Variants in ZBTB5 observed in about 807,000 individuals in gnomAD.
The protein encoded by ZBTB5 is zinc finger and BTB domain-containing protein 5.
ZBTB5 carries 15 observed loss-of-function variants against 37.9 expected under a neutral mutation model. The ratio of observed to expected loss-of-function variants is 0.40; its 90% CI spans 0.26 to 0.61. ZBTB5 has a LOEUF of 0.61. Ranked by LOEUF, ZBTB5 falls within the 20% of genes least tolerant of loss-of-function variation. The pLI is 0.47. For missense variants in ZBTB5, 708 were observed against 856.8 expected, an observed-to-expected ratio of 0.83 and a Z score of 2.17; for synonymous variants, 315 against 312.4, an observed-to-expected ratio of 1.01 and a Z score of -0.09.
chr9:37,462,530 G>A (rs1385323998), intron 1 of ZBTB5, among the ~76,000 whole-genome samples: 63 of 149,304 alleles, frequency 4.2e-4, no homozygotes, highest in Non-Finnish European at 3.0e-5. Context: ...ACACTGTCGT[G>A]CCCACCTTTG....
Position 37,442,404 on chromosome 9 carries a change from G to A in ZBTB5, c.148C>T (p.Arg50Ter), listed in dbSNP as rs548741554. ...CCTTCTGCCACTGAGAACAGGGCTC[G>A]GAAATGCGTGCTGCATGCTGCCAGC... ...SVLAACSTHFRALFSVAEGDQ... is the reference protein window; with the variant it reads ...SVLAACSTHF The change falls in exon 2 of 2, where the codon CGA becomes TGA. Residue 50 changes from arginine (R) to a stop codon, truncating the protein, a stop_gained. Transcript: ENST00000307750. LOFTEE classifies it high-confidence loss of function. 2 of 1,614,062 alleles carry A rather than the reference G, an allele frequency of 1.2e-6. No individual in the cohort carries two copies. The highest frequency in any genetic ancestry group is 1.1e-5 in the South Asian group (1 of 91,068).
chr9:37,458,430 C>T (rs1432091863), intron 1 of ZBTB5, among the ~76,000 whole-genome samples: 1 of 152,208 alleles, frequency 6.6e-6, no homozygotes, highest in South Asian at 2.1e-4. Flanking sequence ...TTGCTTTTCT[C>T]ATGGGACACT....
Position 37,442,274 on chromosome 9 carries a change from TC to T in ZBTB5, c.277del (p.Glu93ArgfsTer4). On this transcript the variant is annotated frameshift_variant, in exon 2 of 2. Transcript: ENST00000307750. LOFTEE classifies it high-confidence loss of function. ...CAATAAGACATCCATTACATTGCTC[TC>T]CCCCAGCATGAGGGTGGAGGTATAC... ...MMYTSTLMLG[E>X]SNVMDVLLAA... 6.2e-7 allele frequency: 1 copy of T among 1,614,118 alleles called. No homozygotes were observed. Among genetic ancestry groups the T allele is most frequent in the Non-Finnish European group, 8.5e-7 (1 of 1,180,018 alleles).
At chr9:37,460,391 G>A (rs376976429) in intron 1 of ZBTB5, among the ~76,000 whole-genome samples, 20 of 151,924 alleles carry the variant, frequency 1.3e-4, no homozygotes, top group African/African-American at 4.3e-4. Flanking sequence ...AGCCAAGATC[G>A]CGCCATTGCG....
chr9:37,447,251 AACC>A, intron 1 of ZBTB5, among the ~76,000 whole-genome samples: 1 of 152,182 alleles, frequency 6.6e-6, no homozygotes, highest in East Asian at 1.9e-4. Context: ...TCACTTATAA[AACC>A]ACCAGATGTT....
At chr9:37,447,151 G>A (rs1175090556) in intron 1 of ZBTB5, among the ~76,000 whole-genome samples, 1 of 152,232 alleles carries the variant, frequency 6.6e-6, no homozygotes, top group Non-Finnish European at 1.5e-5. Flanking sequence ...GTGGCCTCAG[G>A]AAACTTACAA....
rs575270889 is a variant in ZBTB5 at position 37,450,195 on chromosome 9, GTTTC to G, written c.-4-7644_-4-7641del. Among the ~76,000 whole-genome samples the G allele has an allele frequency of 2.7e-4, 41 of 152,004 alleles. No individual in the cohort carries two copies. In the East Asian group the frequency reaches 7.7e-3, roughly 29 times the overall value. On this transcript the variant is annotated intron_variant, in intron 1 of 1. Coordinates refer to ENST00000307750, the MANE Select transcript of ZBTB5 (RefSeq NM_014872.3). ...GAGAGAGCTGTTTTCCTTTCTCTTT[GTTTC>G]TTTCTTTGGCCTATTAAACCTCCAT...
chr9:37,445,643 C>CAA (rs762452347), intron 1 of ZBTB5, among the ~76,000 whole-genome samples: 2 of 103,930 alleles, frequency 1.9e-5, no homozygotes, highest in African/African-American at 3.7e-5. Flanking sequence ...GAGACCCTGT[C>CAA]AAAAAAAAAA....
At chr9:37,463,247 ATACT>A (rs1187248168) in intron 1 of ZBTB5, among the ~76,000 whole-genome samples, 1 of 152,224 alleles carries the variant, frequency 6.6e-6, no homozygotes, top group Non-Finnish European at 1.5e-5. Context: ...AGTTCACTTC[ATACT>A]TAGACAAAAG....
At chr9:37,450,417 C>T (rs1204149885) in intron 1 of ZBTB5, among the ~76,000 whole-genome samples, 1 of 152,062 alleles carries the variant, frequency 6.6e-6, no homozygotes, top group Non-Finnish European at 1.5e-5. Context: ...CTATACTTTG[C>T]GAATTGCTGA....
chr9:37,442,350 C>A lies in ZBTB5; in HGVS notation c.202G>T (p.Asp68Tyr). 1 of 1,614,208 alleles carries A rather than the reference C, an allele frequency of 6.2e-7. No individual in the cohort carries two copies. The highest frequency in any genetic ancestry group is 1.1e-5 in the South Asian group (1 of 91,092). Residue 68 changes from aspartate to tyrosine, a missense_variant, in exon 2 of 2, where the codon GAT becomes TAT. By Grantham distance (160) the Asp-to-Tyr change is radical. Around this residue, in one of 3 missense-constraint regions of ZBTB5, gnomAD observed 639 missense variants for 690.5 expected, o/e 0.93. Transcript: ENST00000307750. The part of the protein sequence containing the change: ...GDQTMNMIQL[D>Y]SEVVTAEAFA... ...GCCTCTGCTGTCACCACCTCGCTAT[C>A]CAGCTGGATCATGTTCATGGTCTGA...
At chr9:37,456,167 T>G (rs901883057) in intron 1 of ZBTB5, among the ~76,000 whole-genome samples, 2 of 151,996 alleles carry the variant, frequency 1.3e-5, no homozygotes, top group Non-Finnish European at 2.9e-5. Context: ...CCCAGGCTGG[T>G]TTCAAACTCC....
At position 37,439,564 on chromosome 9, in the gene ZBTB5, T is replaced by A. The variant is rs1015964663; in HGVS notation, c.*954A>T. The A allele has an allele frequency of 6.7e-6, 1 of 150,056 alleles. No homozygotes were observed. Among genetic ancestry groups the A allele is most frequent in the African/African-American group, 2.5e-5 (1 of 40,614 alleles). The allele number at this position is 150,056 out of a possible 1,614,324, so 9.3% of individuals were successfully genotyped here. Reference sequence around the variant, plus strand: ...GAGTTGCTATATGGGGAGGGGAGAGTGAAGAAATGGAGAACAGGCTTGTCC... The same window carrying A: ...GAGTTGCTATATGGGGAGGGGAGAGAGAAGAAATGGAGAACAGGCTTGTCC... On this transcript the variant is annotated 3_prime_UTR_variant, in exon 2 of 2. Coordinates refer to ENST00000307750, the MANE Select transcript of ZBTB5 (RefSeq NM_014872.3).
intron 1 of ZBTB5, among the ~76,000 whole-genome samples, chr9:37,462,961 AC>A (rs930103730): frequency 1.3e-4 from 19 of 151,766 alleles, no homozygotes; most frequent in African/African-American, 4.4e-4. Flanking sequence ...GAAAGAGACC[AC>A]CCCCTGCATG....
At position 37,442,344 on chromosome 9, in the gene ZBTB5, C is replaced by T. The variant is rs1588774544; in HGVS notation, c.208G>A (p.Glu70Lys). The change falls in exon 2 of 2, where the codon GAG (glutamate) becomes AAG (lysine). Residue 70 changes from glutamate to lysine, a missense_variant. By Grantham distance (56) the Glu-to-Lys change is moderately conservative. Coordinates refer to ENST00000307750, the MANE Select transcript of ZBTB5 (RefSeq NM_014872.3). ...QTMNMIQLDS[E>K]VVTAEAFAAL... is the part of the protein sequence containing the mutation. ...GCAAAGGCCTCTGCTGTCACCACCT[C>T]GCTATCCAGCTGGATCATGTTCATG... 2 of 1,614,188 alleles carry T rather than the reference C, an allele frequency of 1.2e-6. No individual in the cohort carries two copies. The highest frequency in any genetic ancestry group is 1.7e-6 in the Non-Finnish European group (2 of 1,180,030).
intron 1 of ZBTB5, among the ~76,000 whole-genome samples, chr9:37,460,772 G>C (rs184584209): frequency 2.7e-4 from 41 of 152,214 alleles, no homozygotes; most frequent in African/African-American, 9.2e-4. Flanking sequence ...GAGGCTGGGT[G>C]GGGGAGGGTT....
At chr9:37,450,253 A>C (rs943888481) in intron 1 of ZBTB5, among the ~76,000 whole-genome samples, 1 of 152,018 alleles carries the variant, frequency 6.6e-6, no homozygotes, top group Non-Finnish European at 1.5e-5. Context: ...CTGTGTCCCA[A>C]ATTTTCTTGG....
At chr9:37,443,214 G>A (rs1823917898) in intron 1 of ZBTB5, among the ~76,000 whole-genome samples, 1 of 152,062 alleles carries the variant, frequency 6.6e-6, no homozygotes, top group South Asian at 2.1e-4. Context: ...AGCCAGGCAT[G>A]GTGGTGCATG....
At chr9:37,460,236 G>A (rs533109057) in intron 1 of ZBTB5, among the ~76,000 whole-genome samples, 1 of 150,618 alleles carries the variant, frequency 6.6e-6, no homozygotes, top group African/African-American at 2.4e-5. Context: ...TCGGAAGTTC[G>A]AAACTAGCCT....
Sources: allele counts gnomAD v4.1 joint callset (sites outside exome capture counted in the v4.1 genomes callset), GRCh38; gene constraint gnomAD v4.1.1; regional missense constraint gnomAD v4.1.1; transcripts MANE v1.5; gene names NCBI Gene and HGNC (gene_info 2026-07-23, HGNC 2026-07-21).